The following MCUB variants were observed in gnomAD, a reference collection of about 807,000 sequenced individuals.
MCUB encodes mitochondrial calcium uniporter dominant negative subunit beta.
MCUB carries 46 observed loss-of-function variants against 41.4 expected under a neutral mutation model. The observed-to-expected ratio is 1.11, with a 90% CI of 0.88 to 1.42. MCUB has a LOEUF of 1.42. Ranked by LOEUF, MCUB falls within the 40% of genes most tolerant of loss-of-function variation. MCUB has a pLI of 0.00. For missense variants in MCUB, 403 were observed against 404.9 expected (o/e 1.00, Z 0.04); for synonymous variants, 148 against 148.2 (o/e 1.00, Z 0.01).
At chr4:109,583,375 T>C (rs58419791) in intron 1 of MCUB, among the ~76,000 whole-genome samples, 29,150 of 152,092 alleles carry the variant, frequency 0.19, 3,869 homozygotes, top group African/African-American at 0.37. Flanking sequence ...CTGTTCTTGG[T>C]GTATAGGAAT....
chr4:109,613,589 C>T (rs762697711), intron 1 of MCUB, among the ~76,000 whole-genome samples: 3 of 152,016 alleles, frequency 2.0e-5, no homozygotes, highest in Non-Finnish European at 1.5e-5. Context: ...GACAACAGAG[C>T]GAATCTAGCA....
At chr4:109,627,019 CAA>C (rs1728376124) in intron 1 of MCUB, among the ~76,000 whole-genome samples, 1 of 151,908 alleles carries the variant, frequency 6.6e-6, no homozygotes, top group Non-Finnish European at 1.5e-5. Context: ...CAAAGAAGGA[CAA>C]AATATAGGCA....
chr4:109,633,691 A>G lies in MCUB; in HGVS notation c.100-25320A>G, dbSNP rs186459624. Among the ~76,000 whole-genome samples, 3 of 152,298 alleles carry G rather than the reference A, an allele frequency of 2.0e-5. No individual in the cohort carries two copies. In the East Asian group the frequency reaches 5.8e-4, roughly 29 times the overall value. On this transcript the variant is annotated intron_variant, in intron 1 of 7. Coordinates refer to ENST00000394650, the MANE Select transcript of MCUB (RefSeq NM_017918.5). ...ATAGAGTTGCCAACTGTGCTACCCC[A>G]TGTGGCTCTCAGCCTTCTATCATCT... is the stretch of plus-strand genomic sequence containing the variant.
chr4:109,591,484 C>A (rs1167323122), intron 1 of MCUB, among the ~76,000 whole-genome samples: 1 of 152,058 alleles, frequency 6.6e-6, no homozygotes, highest in Non-Finnish European at 1.5e-5. Context: ...CCACTCCAGG[C>A]CTCTCATGTT....
chr4:109,664,412 C>A lies in MCUB; in HGVS notation c.451+18C>A. On this transcript the variant is annotated intron_variant, in intron 4 of 7. Coordinates refer to ENST00000394650, the MANE Select transcript of MCUB (RefSeq NM_017918.5). ...AAAGAGAGGTAAGAAACACAGCTAT[C>A]CAACTATTACTTTTTTTTTTTTTTT... The A allele has an allele frequency of 3.3e-6, 3 of 922,436 alleles. No individual in the cohort carries two copies. The highest frequency in any genetic ancestry group is 5.0e-6 in the Non-Finnish European group (3 of 598,072). The allele number at this position is 922,436 out of a possible 1,614,324, so 57.1% of individuals were successfully genotyped here.
At chr4:109,608,673 GT>G (rs1448833645) in intron 1 of MCUB, among the ~76,000 whole-genome samples, 21 of 145,534 alleles carry the variant, frequency 1.4e-4, no homozygotes, top group Non-Finnish European at 2.9e-4. Flanking sequence ...TATTATTATT[GT>G]TTTTTTTTTA....
intron 1 of MCUB, among the ~76,000 whole-genome samples, chr4:109,613,031 G>A (rs1354120347): frequency 4.0e-5 from 6 of 151,312 alleles, no homozygotes; most frequent in African/African-American, 7.3e-5. Context: ...GTGTGAACCC[G>A]GGAGGCAGAG....
chr4:109,595,865 T>G (rs1727544223), intron 1 of MCUB, among the ~76,000 whole-genome samples: 1 of 151,930 alleles, frequency 6.6e-6, no homozygotes. Flanking sequence ...GGAGCCCTGT[T>G]TGTCACCTGG....
Position 109,664,349 on chromosome 4 carries a change from C to T in MCUB, c.406C>T (p.Leu136Phe), listed in dbSNP as rs893579857. 1 of 1,568,718 alleles carries T rather than the reference C, an allele frequency of 6.4e-7. No homozygotes were observed. Among genetic ancestry groups the T allele is most frequent in the Non-Finnish European group, 8.8e-7 (1 of 1,139,842 alleles). Residue 136 changes from leucine (L) to phenylalanine (F), a missense_variant, in exon 4 of 8, where the codon CTT (leucine) becomes TTT (phenylalanine). By Grantham distance (22) the Leu-to-Phe change is conservative (BLOSUM62 0). Coordinates refer to ENST00000394650, the MANE Select transcript of MCUB (RefSeq NM_017918.5). ...MDILLMNDFK[L>F]VINKIAYDVQ... ...TATTTTGCTAATGAATGATTTTAAACTTGTCATTAATAAAATAGCATATGA... is the reference window on the plus strand; with the variant it reads ...TATTTTGCTAATGAATGATTTTAAATTTGTCATTAATAAAATAGCATATGA...
At chr4:109,660,159 A>C in intron 2 of MCUB, 36 bp from the exon 3 acceptor site, 1 of 1,085,576 alleles carries the variant, frequency 9.2e-7, no homozygotes, top group South Asian at 1.6e-5. Context: ...TTTAAAGTAA[A>C]ATTTACTCAT....
intron 4 of MCUB, among the ~76,000 whole-genome samples, chr4:109,677,329 C>T (rs1729596384): frequency 6.6e-6 from 1 of 152,138 alleles, no homozygotes; most frequent in Admixed American, 6.5e-5. Context: ...TAATTTGCTT[C>T]AGGATGAATC....
chr4:109,670,019 C>T (rs529853229), intron 4 of MCUB, among the ~76,000 whole-genome samples: 2 of 152,280 alleles, frequency 1.3e-5, no homozygotes, highest in East Asian at 1.9e-4. Context: ...GTCTGGCTCT[C>T]GTTCTGATGC....
chr4:109,586,375 G>T (rs1051895456), intron 1 of MCUB, among the ~76,000 whole-genome samples: 1 of 152,020 alleles, frequency 6.6e-6, no homozygotes, highest in Non-Finnish European at 1.5e-5. Flanking sequence ...AAGGTTTTTA[G>T]CTTCCTTGCG....
chr4:109,624,401 T>TATG (rs1305041992), intron 1 of MCUB, among the ~76,000 whole-genome samples: 1 of 152,202 alleles, frequency 6.6e-6, no homozygotes, highest in East Asian at 1.9e-4. Context: ...CTATCCAGAA[T>TATG]ATCACTGGAG....
chr4:109,604,711 G>A (rs1265522798), intron 1 of MCUB, among the ~76,000 whole-genome samples: 2 of 152,144 alleles, frequency 1.3e-5, no homozygotes, highest in Admixed American at 6.5e-5. Context: ...TTTTTCGAGA[G>A]TTTTTATCAT....
At chr4:109,609,063 GGATCTC>G (rs924644260) in intron 1 of MCUB, among the ~76,000 whole-genome samples, 23 of 109,424 alleles carry the variant, frequency 2.1e-4, no homozygotes, top group African/African-American at 6.2e-4. Context: ...CAGACAAATG[GGATCTC>G]TCTCTCTCTC....
intron 7 of MCUB, among the ~76,000 whole-genome samples, chr4:109,686,889 A>T (rs971406227): frequency 6.6e-6 from 1 of 152,104 alleles, no homozygotes; most frequent in Non-Finnish European, 1.5e-5. Context: ...AAATAAAAAA[A>T]TTTAAATATA....
chr4:109,577,279 A>T (rs973805766), intron 1 of MCUB, among the ~76,000 whole-genome samples: 16 of 152,262 alleles, frequency 1.1e-4, no homozygotes, highest in Non-Finnish European at 1.6e-4. Context: ...GACAGAGCTA[A>T]TTTTTTCCAA....
intron 1 of MCUB, among the ~76,000 whole-genome samples, chr4:109,602,382 T>C (rs1193866571): frequency 6.6e-6 from 1 of 152,262 alleles, no homozygotes; most frequent in Non-Finnish European, 1.5e-5. Context: ...TTTATTTGAC[T>C]TCTGTAAACA....
Sources: gnomAD v4.1 joint callset for allele counts (sites outside exome capture counted in the v4.1 genomes callset) on GRCh38, gnomAD v4.1.1 for gene constraint, MANE v1.5 for transcripts, NCBI Gene and HGNC (gene_info 2026-07-23, HGNC 2026-07-21) for gene names.